The following GRM8 variants were observed in gnomAD, a reference collection of about 807,000 sequenced individuals.
The protein encoded by GRM8 is glutamate metabotropic receptor 8, also known as metabotropic glutamate receptor 8.
GRM8 carries 47 observed loss-of-function variants against 87.2 expected under a neutral mutation model. That is an observed-to-expected ratio of 0.54 (90% CI 0.43 to 0.69). The LOEUF is 0.69. Among genes scored for constraint, GRM8 ranks in the 30% least tolerant of loss-of-function variants. GRM8 has a pLI of 0.00. For synonymous variants in GRM8, 396 were observed against 404.5 expected, an observed-to-expected ratio of 0.98 and a Z score of 0.25; for missense variants, 1,019 against 1,139.2, an observed-to-expected ratio of 0.89 and a Z score of 1.52.
intron 8 of GRM8, among the ~76,000 whole-genome samples, chr7:126,575,789 A>ATACTGCCTTAG (rs1439760531): frequency 6.6e-6 from 1 of 152,224 alleles, no homozygotes; most frequent in African/African-American, 2.4e-5. Context: ...TTCCTAAGGC[A>ATACTGCCTTAG]GTATAATGAG....
intron 7 of GRM8, among the ~76,000 whole-genome samples, chr7:126,650,617 T>C (rs559610241): frequency 6.6e-6 from 1 of 152,010 alleles, no homozygotes; most frequent in East Asian, 1.9e-4. Context: ...GGAAGAAGCA[T>C]GATTGGAAAA....
intron 2 of GRM8, among the ~76,000 whole-genome samples, chr7:127,121,595 T>C (rs17862300): frequency 0.028 from 4,323 of 152,246 alleles, 85 homozygotes; most frequent in Middle Eastern, 0.051. Flanking sequence ...AGTCGTTTAA[T>C]TGATTCACAG....
intron 2 of GRM8, among the ~76,000 whole-genome samples, chr7:127,112,848 G>A (rs1826459261): frequency 6.6e-6 from 1 of 152,114 alleles, no homozygotes; most frequent in Non-Finnish European, 1.5e-5. Context: ...CAAACACCTT[G>A]ACAGCCCACG....
At position 126,808,865 on chromosome 7, in the gene GRM8, C is replaced by CCA. The variant is rs528768871; in HGVS notation, c.1157-38802_1157-38801dup. Among the ~76,000 whole-genome samples, 103 of 152,252 alleles carry CCA rather than the reference C, an allele frequency of 6.8e-4. 1 individual carries two copies. The highest frequency in any genetic ancestry group is 2.3e-3 in the African/African-American group (94 of 41,538). On this transcript the variant is annotated intron_variant, in intron 6 of 10. Transcript: ENST00000339582. ...CCTCCTCCATTACATTTGATGCCTA[C>CCA]CACAGATAAAGCTCCTGATATATGG... is the stretch of plus-strand genomic sequence containing the variant.
At chr7:126,851,516 C>T (rs1489484541) in intron 6 of GRM8, among the ~76,000 whole-genome samples, 2 of 152,152 alleles carry the variant, frequency 1.3e-5, no homozygotes, top group Non-Finnish European at 2.9e-5. Context: ...TTCTATCTGA[C>T]CTCATCTCCT....
intron 6 of GRM8, among the ~76,000 whole-genome samples, chr7:126,897,788 G>A (rs1432417972): frequency 2.0e-5 from 3 of 152,122 alleles, no homozygotes; most frequent in African/African-American, 7.2e-5. Flanking sequence ...TACCTCACTT[G>A]GAATTTGGCC....
intron 9 of GRM8, among the ~76,000 whole-genome samples, chr7:126,452,930 TA>T (rs1252998438): frequency 6.6e-6 from 1 of 151,728 alleles, no homozygotes; most frequent in Non-Finnish European, 1.5e-5. Context: ...ATATATTAAT[TA>T]ATAAGGGATA....
At chr7:127,151,187 C>T (rs949120961) in intron 2 of GRM8, among the ~76,000 whole-genome samples, 4 of 151,974 alleles carry the variant, frequency 2.6e-5, no homozygotes, top group African/African-American at 4.8e-5. Flanking sequence ...AGTCTCTCCA[C>T]CTGGCCTAGA....
intron 7 of GRM8, among the ~76,000 whole-genome samples, chr7:126,694,869 G>A (rs539277846): frequency 4.6e-5 from 7 of 152,270 alleles, no homozygotes; most frequent in Non-Finnish European, 1.0e-4. Context: ...CCAGCCAGAG[G>A]CATTTAATGT....
chr7:126,859,091 C>T (rs1008251381), intron 6 of GRM8, among the ~76,000 whole-genome samples: 18 of 151,988 alleles, frequency 1.2e-4, no homozygotes, highest in African/African-American at 4.4e-4. Context: ...ACATATACCT[C>T]TCCCTACACA....
At chr7:126,810,425 T>G (rs1189662605) in intron 6 of GRM8, among the ~76,000 whole-genome samples, 1 of 152,162 alleles carries the variant, frequency 6.6e-6, no homozygotes, top group Non-Finnish European at 1.5e-5. Flanking sequence ...TTACTATAAC[T>G]GCACCCATGA....
intron 3 of GRM8, among the ~76,000 whole-genome samples, chr7:126,982,220 T>C (rs1189912843): frequency 6.6e-6 from 1 of 152,164 alleles, no homozygotes; most frequent in African/African-American, 2.4e-5. Flanking sequence ...CTGCCCACTT[T>C]ATATTCTGGC....
chr7:126,553,523 C>T (rs561404290), intron 8 of GRM8, among the ~76,000 whole-genome samples: 8 of 152,200 alleles, frequency 5.3e-5, no homozygotes, highest in Non-Finnish European at 7.4e-5. Context: ...AAGGTGAATT[C>T]GTCACATGAA....
At chr7:127,032,461 G>C (rs1456922477) in intron 3 of GRM8, among the ~76,000 whole-genome samples, 1 of 151,998 alleles carries the variant, frequency 6.6e-6, no homozygotes, top group Non-Finnish European at 1.5e-5. Context: ...ACACTCCTGG[G>C]ACACTCAAAT....
At chr7:126,536,830 CACAAA>C (rs1254274844) in intron 8 of GRM8, among the ~76,000 whole-genome samples, 5 of 151,934 alleles carry the variant, frequency 3.3e-5, no homozygotes, top group Admixed American at 2.0e-4. Context: ...GCTCAAAAAA[CACAAA>C]ACAAAACAAA....
chr7:127,149,453 A>G (rs1031887933), intron 2 of GRM8, among the ~76,000 whole-genome samples: 4 of 152,110 alleles, frequency 2.6e-5, no homozygotes, highest in Non-Finnish European at 5.9e-5. Flanking sequence ...GAACTCATAC[A>G]CTATTGATGG....
chr7:126,989,589 C>T (rs868721919), intron 3 of GRM8, among the ~76,000 whole-genome samples: 11 of 152,248 alleles, frequency 7.2e-5, no homozygotes, highest in Admixed American at 1.3e-4. Flanking sequence ...CACCCTGACA[C>T]GCACTACTGT....
chr7:127,202,774 A>C lies in GRM8; in HGVS notation c.510+39921T>G, dbSNP rs551110985. ...AAGGAAAATATCCATTTATTCACTTATATAAGATTGTTGACCTCTTTAAAT... is the reference window on the plus strand; with the variant it reads ...AAGGAAAATATCCATTTATTCACTTCTATAAGATTGTTGACCTCTTTAAAT... On this transcript the variant is annotated intron_variant, in intron 2 of 10. Transcript: ENST00000339582. Among the ~76,000 whole-genome samples the C allele has an allele frequency of 1.1e-4, 17 of 152,272 alleles. 1 individual carries two copies. In the South Asian group the frequency reaches 3.5e-3, roughly 32 times the overall value.
chr7:126,745,091 C>T (rs1035026983), intron 7 of GRM8, among the ~76,000 whole-genome samples: 1 of 151,592 alleles, frequency 6.6e-6, no homozygotes, highest in Non-Finnish European at 1.5e-5. Flanking sequence ...TTCCTGGAAT[C>T]CTTAATAATT....
Sources: allele counts gnomAD v4.1 joint callset (sites outside exome capture counted in the v4.1 genomes callset), GRCh38; gene constraint gnomAD v4.1.1; transcripts MANE v1.5; gene names NCBI Gene and HGNC (gene_info 2026-07-23, HGNC 2026-07-21).